The following THNSL1 variants were observed in gnomAD, a reference collection of about 807,000 sequenced individuals.
THNSL1 encodes the protein threonine synthase like 1.
Under a neutral mutation model 50.4 loss-of-function variants are expected in THNSL1, and 48 were observed. The ratio of observed to expected loss-of-function variants is 0.95; its 90% CI spans 0.76 to 1.21. THNSL1 has a LOEUF of 1.21. THNSL1 is among the 50% of genes most tolerant of loss of function. THNSL1 has a pLI of 0.00. For missense variants in THNSL1, 896 were observed against 871.7 expected (o/e 1.03, Z -0.35); for synonymous variants, 309 against 306.1 (o/e 1.01, Z -0.10).
the THNSL1 span, among the ~76,000 whole-genome samples, chr10:25,002,643 T>C: frequency 6.6e-6 from 1 of 152,232 alleles, no homozygotes; most frequent in Non-Finnish European, 1.5e-5. Flanking sequence ...CCATTTTTGG[T>C]TGAAAGCAGT....
the THNSL1 span, chr10:24,990,537 G>T: frequency 2.5e-6 from 4 of 1,613,970 alleles, no homozygotes; most frequent in Non-Finnish European, 3.4e-6. Flanking sequence ...TGGATATAAC[G>T]ATCATAGTCT....
chr10:24,965,048 G>A, the THNSL1 span, among the ~76,000 whole-genome samples: 3 of 145,710 alleles, frequency 2.1e-5, no homozygotes, highest in East Asian at 4.0e-4. Flanking sequence ...ACGACAGAGC[G>A]AAATCCTATC....
At chr10:24,955,176 A>G in the THNSL1 span, among the ~76,000 whole-genome samples, 1 of 152,206 alleles carries the variant, frequency 6.6e-6, no homozygotes, top group South Asian at 2.1e-4. Flanking sequence ...GTGTAGTGCC[A>G]CATACTTTTA....
chr10:24,988,700 A>ATATATATATG, the THNSL1 span, among the ~76,000 whole-genome samples: 1 of 34,488 alleles, frequency 2.9e-5, no homozygotes, highest in African/African-American at 1.6e-4. Flanking sequence ...ATATATATAT[A>ATATATATATG]TATATATATA....
the THNSL1 span, among the ~76,000 whole-genome samples, chr10:24,967,916 CGT>C: frequency 7.4e-6 from 1 of 135,876 alleles, no homozygotes; most frequent in Non-Finnish European, 1.6e-5. Context: ...TATGTGTATA[CGT>C]GTGTATGATG....
chr10:24,988,664 GTATATA>G, the THNSL1 span, among the ~76,000 whole-genome samples: 8 of 98,870 alleles, frequency 8.1e-5, no homozygotes, highest in South Asian at 3.3e-4. Flanking sequence ...CACAGCATAT[GTATATA>G]TATATATATA....
At chr10:24,957,763 G>A in the THNSL1 span, among the ~76,000 whole-genome samples, 2 of 152,230 alleles carry the variant, frequency 1.3e-5, no homozygotes, top group African/African-American at 4.8e-5. Flanking sequence ...TTACAGGCAT[G>A]AGCCACTGCA....
intron 1 of THNSL1, among the ~76,000 whole-genome samples, chr10:25,018,975 G>T (rs1202202945): frequency 6.6e-6 from 1 of 152,190 alleles, no homozygotes; most frequent in East Asian, 1.9e-4. Context: ...AACTATACTG[G>T]ATTGTGTGGT....
At chr10:24,999,527 C>A in the THNSL1 span, 15 of 1,608,974 alleles carry the variant, frequency 9.3e-6, no homozygotes, top group Middle Eastern at 1.7e-4. Flanking sequence ...TTTACAGTTG[C>A]CTTAAAAATG....
the THNSL1 span, among the ~76,000 whole-genome samples, chr10:24,956,788 G>A: frequency 6.6e-6 from 1 of 152,170 alleles, no homozygotes; most frequent in Non-Finnish European, 1.5e-5. Flanking sequence ...CCAGCCTGTG[G>A]CCTGTTAGGA....
the THNSL1 span, among the ~76,000 whole-genome samples, chr10:25,004,225 C>T: frequency 6.6e-6 from 1 of 152,252 alleles, no homozygotes; most frequent in South Asian, 2.1e-4. Flanking sequence ...GTGAATAGTG[C>T]TGCAATGAAC....
chr10:24,955,883 G>T, the THNSL1 span, among the ~76,000 whole-genome samples: 2 of 152,066 alleles, frequency 1.3e-5, no homozygotes, highest in African/African-American at 4.8e-5. Flanking sequence ...GAAGTTTGAG[G>T]CTGCATTGAG....
At chr10:24,991,891 A>G in the THNSL1 span, among the ~76,000 whole-genome samples, 4 of 152,180 alleles carry the variant, frequency 2.6e-5, no homozygotes, top group African/African-American at 4.8e-5. Context: ...AGCTGTAAAC[A>G]TCGACCCATA....
the THNSL1 span, among the ~76,000 whole-genome samples, chr10:25,005,832 C>T: frequency 1.3e-5 from 2 of 152,332 alleles, no homozygotes; most frequent in East Asian, 1.9e-4. Context: ...CTTAGTGCTG[C>T]TCAGTACCTC....
At chr10:25,012,450 T>TG (rs1850468972), upstream of THNSL1, among the ~76,000 whole-genome samples, 1 of 152,150 alleles carries the variant, frequency 6.6e-6, no homozygotes, top group Non-Finnish European at 1.5e-5. Context: ...GCAGCCGGAA[T>TG]GGGGGCTGTA....
At chr10:24,974,720 G>A in the THNSL1 span, among the ~76,000 whole-genome samples, 2 of 152,102 alleles carry the variant, frequency 1.3e-5, no homozygotes, top group Admixed American at 1.3e-4. Flanking sequence ...TAGAATCTTG[G>A]CACATTATTT....
upstream of THNSL1, among the ~76,000 whole-genome samples, chr10:25,014,521 G>GAA (rs376706730): frequency 4.8e-5 from 7 of 146,176 alleles, no homozygotes; most frequent in African/African-American, 1.8e-4. Flanking sequence ...AATTTTTTTT[G>GAA]AAAAAAAAAA....
At position 25,023,713 on chromosome 10, in the gene THNSL1, C is replaced by T. The variant is rs765878202; in HGVS notation, c.490C>T (p.Arg164Cys). Reference sequence around the variant, plus strand: ...TGTACCTCTACTAGATCTAATTTGTCGTCTAAAATTAATGAAGACAGATAG... The same window carrying T: ...TGTACCTCTACTAGATCTAATTTGTTGTCTAAAATTAATGAAGACAGATAG... ...LDVPLLDLIC[R>C]LKLMKTDRIV... is the part of the protein sequence containing the mutation. The change falls in exon 3 of 3, where the codon CGT (arginine) becomes TGT (cysteine). Residue 164 changes from arginine (R) to cysteine (C), a missense_variant. Physicochemically the swap from Arg to Cys is radical, Grantham distance 180. Coordinates refer to ENST00000376356, the MANE Select transcript of THNSL1 (RefSeq NM_024838.5). 3 of 1,613,708 alleles carry T rather than the reference C, an allele frequency of 1.9e-6. No homozygotes were observed. Among genetic ancestry groups the T allele is most frequent in the Non-Finnish European group, 2.5e-6 (3 of 1,179,976 alleles).
At chr10:24,957,503 C>T in the THNSL1 span, among the ~76,000 whole-genome samples, 13 of 149,732 alleles carry the variant, frequency 8.7e-5, no homozygotes, top group South Asian at 2.1e-4. Flanking sequence ...TGTTTTGAGA[C>T]GGAGTCTTGC....
Sources: gnomAD v4.1 joint callset for allele counts (sites outside exome capture counted in the v4.1 genomes callset) on GRCh38, gnomAD v4.1.1 for gene constraint, MANE v1.5 for transcripts, NCBI Gene and HGNC (gene_info 2026-07-23, HGNC 2026-07-21) for gene names.